EML1: variants seen among roughly 807,000 people sequenced by gnomAD.
The protein encoded by EML1 is echinoderm microtubule-associated protein-like 1.
In EML1, 27 loss-of-function variants were observed where a neutral mutation model predicts 110.4. That is an observed-to-expected ratio of 0.24 (90% CI 0.18 to 0.34). EML1 has a LOEUF of 0.34. Ranked by LOEUF, EML1 falls within the 10% of genes least tolerant of loss-of-function variation. The pLI is 1.00. For missense variants in EML1, 741 were observed against 1,030.9 expected (o/e 0.72, Z 3.85); for synonymous variants, 344 against 385.8 (o/e 0.89, Z 1.27).
intron 1 of EML1, among the ~76,000 whole-genome samples, chr14:99,778,675 G>T (rs2057508437): frequency 6.6e-6 from 1 of 152,202 alleles, no homozygotes; most frequent in African/African-American, 2.4e-5. Flanking sequence ...GAAGAGCTAA[G>T]TTTTTGAGAT....
chr14:99,753,176 C>T (rs1424388501), intron 1 of EML1, among the ~76,000 whole-genome samples: 1 of 85,366 alleles, frequency 1.2e-5, no homozygotes, highest in Non-Finnish European at 2.6e-5. Flanking sequence ...GCAGCCCCCA[C>T]CCCCCTACCC....
chr14:99,890,386 G>A (rs1304571723), intron 4 of EML1, among the ~76,000 whole-genome samples: 1 of 152,210 alleles, frequency 6.6e-6, no homozygotes, highest in African/African-American at 2.4e-5. Context: ...GTCTGGAATG[G>A]AGACGGTGCC....
intron 17 of EML1, among the ~76,000 whole-genome samples, chr14:99,923,953 C>T (rs1272576056): frequency 6.6e-6 from 1 of 152,186 alleles, no homozygotes; most frequent in African/African-American, 2.4e-5. Context: ...CACACTAGGC[C>T]AGCTCGTCAA....
rs369112215 is a variant in EML1 at position 99,748,173 on chromosome 14, C to G, written c.28+10313C>G. On this transcript the variant is annotated intron_variant, in intron 1 of 10. Coordinates refer to the EML1 transcript ENST00000554479. The stretch of plus-strand genomic sequence containing the variant: ...GGTGACCCTAGCTAAGAGCCTGTCA[C>G]AGGGATGGCATCGCTGCTCTGGGAA... 2.0e-4 allele frequency among the ~76,000 whole-genome samples: 31 copies of G among 152,248 alleles called. No homozygotes were observed. In the East Asian group the frequency reaches 4.7e-3, roughly 23 times the overall value.
At position 99,935,117 on chromosome 14, in the gene EML1, AATT is replaced by A; in HGVS notation, c.1910-911_1910-909del. ...GTGGGCTTTCTGGGCCCTTCCAAGG[AATT>A]GAGTCTTCATCCTTCAGTGATTGGG... On this transcript the variant is annotated intron_variant, in intron 17 of 21. Coordinates refer to ENST00000262233, the MANE Select transcript of EML1 (RefSeq NM_004434.3). Among the ~76,000 whole-genome samples, 6 of 152,278 alleles carry A rather than the reference AATT, an allele frequency of 3.9e-5. 1 individual carries two copies. The highest frequency in any genetic ancestry group is 3.9e-4 in the Admixed American group (6 of 15,294).
At chr14:99,750,744 G>A (rs1342546903) in intron 1 of EML1, among the ~76,000 whole-genome samples, 1 of 152,078 alleles carries the variant, frequency 6.6e-6, no homozygotes, top group Non-Finnish European at 1.5e-5. Context: ...AGGAAGGCAG[G>A]ATGGGTTCTA....
chr14:99,831,091 T>C lies in EML1; in HGVS notation c.68-19762T>C, dbSNP rs151084993. On this transcript the variant is annotated intron_variant, in intron 1 of 21. Coordinates refer to ENST00000262233, the MANE Select transcript of EML1 (RefSeq NM_004434.3). ...TGGAAAATTCAACAACTCAAATGTA[T>C]TTTCAAGTGTATTTTAAAAATTAGA... 9.0e-4 allele frequency among the ~76,000 whole-genome samples: 137 copies of C among 152,334 alleles called. No homozygotes were observed. In the East Asian group the frequency reaches 0.026, roughly 29 times the overall value.
intron 1 of EML1, among the ~76,000 whole-genome samples, chr14:99,798,295 C>T (rs563260261): frequency 6.6e-6 from 1 of 151,980 alleles, no homozygotes; most frequent in African/African-American, 2.4e-5. Context: ...GTATTTCTTT[C>T]TTAACTTGAT....
At chr14:99,746,138 A>C (rs1036902588) in intron 1 of EML1, among the ~76,000 whole-genome samples, 6 of 152,188 alleles carry the variant, frequency 3.9e-5, no homozygotes, top group Non-Finnish European at 7.3e-5. Flanking sequence ...ATTCCATTTT[A>C]TAGACGAGCA....
chr14:99,850,895 G>A lies in EML1; in HGVS notation c.110G>A (p.Arg37His), dbSNP rs772696242. 3.7e-5 allele frequency: 60 copies of A among 1,614,032 alleles called. No homozygotes were observed. The highest frequency in any genetic ancestry group is 6.7e-5 in the African/African-American group (5 of 74,910). Residue 37 changes from arginine to histidine, a missense_variant, in exon 2 of 22, where the codon CGC becomes CAC. By Grantham distance (29) the Arg-to-His change is conservative. Around this residue, in one of 4 missense-constraint regions of EML1, gnomAD observed 226 missense variants for 255.6 expected, o/e 0.88. Transcript: ENST00000262233. ...GCAAGTAGCATGGAGGTGACAGACC[G>A]CATTGCTTCACTGGAGCAGAGAGTC... Reference protein sequence around the residue: ...SAASSMEVTDRIASLEQRVQM... With the variant: ...SAASSMEVTDHIASLEQRVQM...
intron 17 of EML1, among the ~76,000 whole-genome samples, chr14:99,926,281 G>GT (rs1257500610): frequency 3.4e-5 from 4 of 116,546 alleles, no homozygotes; most frequent in Non-Finnish European, 6.0e-5. Context: ...TGTGTTTTTT[G>GT]GGGTTTTTTT....
chr14:99,855,461 A>G (rs1286011721), intron 2 of EML1, among the ~76,000 whole-genome samples: 1 of 152,214 alleles, frequency 6.6e-6, no homozygotes, highest in Non-Finnish European at 1.5e-5. Context: ...GACAGGGAGT[A>G]GTTTGGAGTT....
chr14:99,900,849 A>G, intron 8 of EML1, 80 bp from the exon 9 acceptor site: 1 of 1,228,568 alleles, frequency 8.1e-7, no homozygotes, highest in South Asian at 1.3e-5. Context: ...GTTACTGCCC[A>G]AGTAATCTTG....
At chr14:99,864,260 A>T (rs1013708641) in intron 2 of EML1, among the ~76,000 whole-genome samples, 1 of 152,126 alleles carries the variant, frequency 6.6e-6, no homozygotes, top group African/African-American at 2.4e-5. Context: ...CAGATACGTG[A>T]TGTGCAAATA....
At chr14:99,842,040 GA>G (rs1326116406) in intron 1 of EML1, among the ~76,000 whole-genome samples, 3 of 152,208 alleles carry the variant, frequency 2.0e-5, no homozygotes, top group Admixed American at 6.5e-5. Flanking sequence ...AAACTTGGGG[GA>G]AAAAAAGCTA....
chr14:99,857,002 TG>T (rs2058913836), intron 2 of EML1, among the ~76,000 whole-genome samples: 1 of 152,240 alleles, frequency 6.6e-6, no homozygotes, highest in East Asian at 1.9e-4. Flanking sequence ...CTGGGCATGG[TG>T]GCTCATGCCT....
upstream of EML1, among the ~76,000 whole-genome samples, chr14:99,771,725 T>C (rs985080814): frequency 2.0e-5 from 3 of 152,114 alleles, no homozygotes; most frequent in African/African-American, 7.2e-5. Flanking sequence ...GGTGGGAGGA[T>C]CACTTGAGTC....
At chr14:99,921,749 A>G (rs933908445) in intron 17 of EML1, among the ~76,000 whole-genome samples, 11 of 152,178 alleles carry the variant, frequency 7.2e-5, no homozygotes, top group African/African-American at 2.7e-4. Context: ...AGCTTTATTG[A>G]GGAGTAATTT....
intron 3 of EML1, among the ~76,000 whole-genome samples, chr14:99,875,334 T>C (rs2059272165): frequency 6.6e-6 from 1 of 152,202 alleles, no homozygotes; most frequent in South Asian, 2.1e-4. Context: ...ATAATGATAT[T>C]GCTGCAGGGG....
Sources: gnomAD v4.1 joint callset for allele counts (sites outside exome capture counted in the v4.1 genomes callset) on GRCh38, gnomAD v4.1.1 for gene constraint, gnomAD v4.1.1 regional missense constraint, MANE v1.5 for transcripts, NCBI Gene and HGNC (gene_info 2026-07-23, HGNC 2026-07-21) for gene names.